Variants in TMEM132D observed in about 807,000 individuals in gnomAD.
TMEM132D encodes transmembrane protein 132D.
Under a neutral mutation model 62.3 loss-of-function variants are expected in TMEM132D, and 21 were observed. The observed-to-expected ratio is 0.34, with a 90% CI of 0.24 to 0.49. The LOEUF is 0.49. Ranked by LOEUF, TMEM132D falls within the 20% of genes least tolerant of loss-of-function variation. The probability of loss-of-function intolerance (pLI) is 0.99; values close to 1 mark genes in which losing one functional copy is unlikely to be tolerated. For missense variants in TMEM132D, 1,346 were observed against 1,402.8 expected (o/e 0.96, Z 0.65); for synonymous variants, 621 against 575.6 (o/e 1.08, Z -1.13).
chr12:129,692,984 T>A (rs1211710860), intron 2 of TMEM132D, among the ~76,000 whole-genome samples: 1 of 152,130 alleles, frequency 6.6e-6, no homozygotes, highest in Non-Finnish European at 1.5e-5. Context: ...ACACGTACCC[T>A]GGAACTTAAC....
intron 2 of TMEM132D, among the ~76,000 whole-genome samples, chr12:129,638,556 A>AATT (rs1593100295): frequency 7.8e-4 from 35 of 44,972 alleles, no homozygotes; most frequent in African/African-American, 1.9e-3. Flanking sequence ...AACATATATA[A>AATT]ATATATAAAC....
chr12:129,326,800 T>C (rs1053104371), intron 4 of TMEM132D, among the ~76,000 whole-genome samples: 1 of 152,228 alleles, frequency 6.6e-6, no homozygotes, highest in Non-Finnish European at 1.5e-5. Flanking sequence ...ATTAACATAA[T>C]CTACCAATAC....
Position 129,799,848 on chromosome 12 carries a change from G to A in TMEM132D, c.80-99150C>T, listed in dbSNP as rs151073320. 2.6e-3 allele frequency among the ~76,000 whole-genome samples: 401 copies of A among 152,206 alleles called. 3 individuals carry two copies. Among genetic ancestry groups the A allele is most frequent in the African/African-American group, 9.0e-3 (375 of 41,532 alleles). On this transcript the variant is annotated intron_variant, in intron 1 of 8. Transcript: ENST00000422113. Reference sequence around the variant, plus strand: ...CTGGGGCTTGTCCTCTGAAGATCTCGCGTGTTAGACAGCTCTGCAGCCTGG... The same window carrying A: ...CTGGGGCTTGTCCTCTGAAGATCTCACGTGTTAGACAGCTCTGCAGCCTGG...
chr12:129,527,982 G>T (rs1876100454), intron 3 of TMEM132D, among the ~76,000 whole-genome samples: 1 of 152,192 alleles, frequency 6.6e-6, no homozygotes, highest in African/African-American at 2.4e-5. Flanking sequence ...ACCTGTCACA[G>T]TGACTTAACT....
intron 4 of TMEM132D, among the ~76,000 whole-genome samples, chr12:129,237,101 T>C (rs1182700849): frequency 6.6e-6 from 1 of 152,224 alleles, no homozygotes; most frequent in East Asian, 1.9e-4. Context: ...AACAATCCTT[T>C]TAATATGCTA....
At chr12:129,490,421 TCC>T (rs71820017) in intron 3 of TMEM132D, among the ~76,000 whole-genome samples, 4,829 of 98,966 alleles carry the variant, frequency 0.049, 290 homozygotes, top group South Asian at 0.073. Flanking sequence ...TAATTTCCTT[TCC>T]TTTTTTTTTT....
At chr12:129,872,943 A>G (rs1343197317) in intron 1 of TMEM132D, among the ~76,000 whole-genome samples, 1 of 152,192 alleles carries the variant, frequency 6.6e-6, no homozygotes, top group Non-Finnish European at 1.5e-5. Context: ...CCTCTCAATA[A>G]AAAGCAAAAA....
At chr12:129,824,027 G>A (rs1872598974) in intron 1 of TMEM132D, among the ~76,000 whole-genome samples, 2 of 152,118 alleles carry the variant, frequency 1.3e-5, no homozygotes, top group South Asian at 4.1e-4. Flanking sequence ...AGCCCTGTGA[G>A]GGACAGACAC....
At chr12:129,865,791 G>A (rs1187465753) in intron 1 of TMEM132D, among the ~76,000 whole-genome samples, 1 of 152,204 alleles carries the variant, frequency 6.6e-6, no homozygotes, top group Non-Finnish European at 1.5e-5. Context: ...TCCCATGATG[G>A]AGGTATTTTA....
At position 129,144,686 on chromosome 12, in the gene TMEM132D, C is replaced by CATCTATCTATCTATCTATCTATCTATCT. The variant is rs57315485; in HGVS notation, c.1444-59985_1444-59984insAGATAGATAGATAGATAGATAGATAGAT. On this transcript the variant is annotated intron_variant, in intron 5 of 8. Transcript: ENST00000422113. Reference sequence around the variant, plus strand: ...TGACCTATCTATTGAGCTTATCTATCATCTATCTATCTATCTATCTAGCGA... The same window carrying CATCTATCTATCTATCTATCTATCTATCT: ...TGACCTATCTATTGAGCTTATCTATCATCTATCTATCTATCTATCTATCTATCTATCTATCTATCTATCTATCTAGCGA... Among the ~76,000 whole-genome samples, 243 of 151,428 alleles carry CATCTATCTATCTATCTATCTATCTATCT rather than the reference C, an allele frequency of 1.6e-3. 1 individual carries two copies. Among genetic ancestry groups the CATCTATCTATCTATCTATCTATCTATCT allele is most frequent in the African/African-American group, 5.5e-3 (225 of 41,170 alleles).
chr12:129,430,824 A>G (rs1593005234), intron 3 of TMEM132D, among the ~76,000 whole-genome samples: 1 of 152,322 alleles, frequency 6.6e-6, no homozygotes. Flanking sequence ...ACAGAAAGAA[A>G]AAGGTGTTCT....
chr12:129,513,951 C>T (rs1003224700), intron 3 of TMEM132D, among the ~76,000 whole-genome samples: 53 of 151,500 alleles, frequency 3.5e-4, no homozygotes, highest in African/African-American at 1.2e-3. Context: ...CATTCTCCTG[C>T]CTCAGCCTCC....
At chr12:129,616,735 C>T (rs554069444) in intron 2 of TMEM132D, among the ~76,000 whole-genome samples, 5 of 152,324 alleles carry the variant, frequency 3.3e-5, no homozygotes, top group South Asian at 2.1e-4. Context: ...GAGGCCTCCC[C>T]AGCCCTGCTG....
chr12:129,821,881 T>C (rs549682418), intron 1 of TMEM132D, among the ~76,000 whole-genome samples: 2 of 152,240 alleles, frequency 1.3e-5, no homozygotes, highest in East Asian at 3.9e-4. Flanking sequence ...TCTTTCGAAG[T>C]GGGGAGCAGG....
At chr12:129,414,202 CATTTG>C (rs553306548) in intron 3 of TMEM132D, among the ~76,000 whole-genome samples, 103 of 152,280 alleles carry the variant, frequency 6.8e-4, no homozygotes, top group African/African-American at 2.4e-3. Flanking sequence ...TTAAATTATA[CATTTG>C]TTTTTGTGAT....
chr12:129,657,840 T>C (rs778013062), intron 2 of TMEM132D, among the ~76,000 whole-genome samples: 11 of 152,236 alleles, frequency 7.2e-5, no homozygotes, highest in Non-Finnish European at 1.6e-4. Flanking sequence ...CTAAACTGCA[T>C]TTGTTTCCGA....
At chr12:129,116,944 A>T (rs1312316392) in intron 5 of TMEM132D, among the ~76,000 whole-genome samples, 1 of 150,028 alleles carries the variant, frequency 6.7e-6, no homozygotes, top group Non-Finnish European at 1.5e-5. Context: ...AAAAAAAAAA[A>T]AAATCTGTAC....
At chr12:129,155,513 G>C (rs1213943411) in intron 5 of TMEM132D, among the ~76,000 whole-genome samples, 2 of 152,164 alleles carry the variant, frequency 1.3e-5, no homozygotes, top group Admixed American at 6.5e-5. Flanking sequence ...TAGGCATTTT[G>C]TGTTGCTATA....
intron 1 of TMEM132D, among the ~76,000 whole-genome samples, chr12:129,791,506 A>G (rs1245910041): frequency 6.6e-6 from 1 of 152,200 alleles, no homozygotes; most frequent in African/African-American, 2.4e-5. Context: ...CAAGCAACAG[A>G]GGTGGTGAAA....
Sources: allele counts gnomAD v4.1 joint callset (sites outside exome capture counted in the v4.1 genomes callset), GRCh38; gene constraint gnomAD v4.1.1; transcripts MANE v1.5; gene names NCBI Gene and HGNC (gene_info 2026-07-23, HGNC 2026-07-21).